The following LPP variants were observed in gnomAD, a reference collection of about 807,000 sequenced individuals.
LPP encodes the protein lipoma-preferred partner.
LPP carries 38 observed loss-of-function variants against 60.4 expected under a neutral mutation model. The observed-to-expected ratio is 0.63, with a 90% confidence interval of 0.49 to 0.83. The LOEUF is 0.83. LPP is among the 40% of genes least tolerant of loss of function. LPP has a pLI of 0.00. For missense variants in LPP, 902 were observed against 783.6 expected, an observed-to-expected ratio of 1.15 and a Z score of -1.80; for synonymous variants, 328 against 290.8, an observed-to-expected ratio of 1.13 and a Z score of -1.30.
At chr3:188,448,902 A>G (rs1433057417) in intron 4 of LPP, among the ~76,000 whole-genome samples, 1 of 152,180 alleles carries the variant, frequency 6.6e-6, no homozygotes, top group African/African-American at 2.4e-5. Context: ...GTCTTTTTAA[A>G]CTGTATTCTA....
intron 4 of LPP, among the ~76,000 whole-genome samples, chr3:188,424,736 T>C (rs1429787056): frequency 2.0e-5 from 3 of 152,188 alleles, no homozygotes; most frequent in African/African-American, 7.2e-5. Flanking sequence ...AGTTCACTCA[T>C]GATTCAGCTC....
chr3:188,453,792 G>C (rs1797134700), intron 4 of LPP, among the ~76,000 whole-genome samples: 1 of 151,996 alleles, frequency 6.6e-6, no homozygotes, highest in Admixed American at 6.6e-5. Flanking sequence ...TTAATTTTGT[G>C]GGTACTTCTG....
chr3:188,664,083 A>G (rs905277900), intron 7 of LPP, among the ~76,000 whole-genome samples: 12 of 152,114 alleles, frequency 7.9e-5, no homozygotes, highest in African/African-American at 2.9e-4. Context: ...CAAACCACAT[A>G]TTGTCACTTG....
intron 4 of LPP, among the ~76,000 whole-genome samples, chr3:188,455,759 G>T (rs1003343555): frequency 2.2e-4 from 33 of 152,018 alleles, no homozygotes; most frequent in East Asian, 5.8e-4. Flanking sequence ...GAGAATATTG[G>T]TTTTTTTCAG....
chr3:188,179,466 C>G, intron 1 of LPP: 1 of 457,888 alleles, frequency 2.2e-6, no homozygotes, highest in Non-Finnish European at 4.4e-6. Context: ...AGAGCTCCTT[C>G]CCTTCTGGGG....
At chr3:188,286,258 T>C (rs115116283) in intron 2 of LPP, among the ~76,000 whole-genome samples, 9 of 152,338 alleles carry the variant, frequency 5.9e-5, no homozygotes, top group Non-Finnish European at 8.8e-5. Context: ...ACACAAGTGC[T>C]GCTGTGGTCA....
At chr3:188,607,506 T>C (rs985822355) in intron 6 of LPP, among the ~76,000 whole-genome samples, 5 of 151,522 alleles carry the variant, frequency 3.3e-5, no homozygotes, top group African/African-American at 1.2e-4. Flanking sequence ...CATATTTATT[T>C]ATGTTCTTCA....
At chr3:188,840,999 G>A (rs148895272) in intron 9 of LPP, among the ~76,000 whole-genome samples, 4 of 152,124 alleles carry the variant, frequency 2.6e-5, no homozygotes, top group African/African-American at 9.6e-5. Flanking sequence ...TCTTCCTCCC[G>A]GGTCCCAGTG....
At chr3:188,524,852 A>G (rs1246147955) in intron 6 of LPP, 65 bp downstream of exon 6, 6 of 1,511,196 alleles carry the variant, frequency 4.0e-6, no homozygotes, top group Middle Eastern at 1.8e-4. Context: ...ATCAGAAAGA[A>G]CATGCTGCAC....
At chr3:188,535,186 G>GT (rs1477315775) in intron 6 of LPP, among the ~76,000 whole-genome samples, 6 of 152,092 alleles carry the variant, frequency 3.9e-5, no homozygotes, top group Non-Finnish European at 4.4e-5. Flanking sequence ...TAAGTTATGG[G>GT]GTCATGTTGA....
chr3:188,484,702 C>G lies in LPP; in HGVS notation c.304C>G (p.Gln102Glu). 2 of 1,601,064 alleles carry G rather than the reference C, an allele frequency of 1.2e-6. No individual in the cohort carries two copies. Among genetic ancestry groups the G allele is most frequent in the Non-Finnish European group, 1.7e-6 (2 of 1,168,314 alleles). ...TCTTGATGAAGAGGCTTTCAAAGTACAGGTAAGAGCTGAAGTTAAAGTCAT... is the reference window on the plus strand; with the variant it reads ...TCTTGATGAAGAGGCTTTCAAAGTAGAGGTAAGAGCTGAAGTTAAAGTCAT... ...PPLDEEAFKV[Q>E]GNPGGKTLEE... The change falls in exon 5 of 12, where the codon CAG becomes GAG. Residue 102 changes from glutamine to glutamate, a missense_variant and splice_region_variant. Gln to Glu is a conservative substitution (Grantham distance 29, BLOSUM62 2). Coordinates refer to ENST00000617246, the MANE Select transcript of LPP (RefSeq NM_001375462.1).
chr3:188,167,262 C>T (rs917331103), intron 1 of LPP, among the ~76,000 whole-genome samples: 1 of 152,150 alleles, frequency 6.6e-6, no homozygotes, highest in Non-Finnish European at 1.5e-5. Flanking sequence ...CTTTGGGAGG[C>T]CGAGGCGGGC....
intron 3 of LPP, among the ~76,000 whole-genome samples, chr3:188,397,619 CT>C (rs373218081): frequency 0.034 from 4,961 of 143,874 alleles, 265 homozygotes; most frequent in African/African-American, 0.12. Context: ...ACTTCTTTTT[CT>C]TTTTTTTTTT....
At chr3:188,832,780 A>G (rs1446519961) in intron 9 of LPP, among the ~76,000 whole-genome samples, 1 of 152,186 alleles carries the variant, frequency 6.6e-6, no homozygotes, top group Non-Finnish European at 1.5e-5. Flanking sequence ...GCATGTTGTC[A>G]AGTTCAGCTG....
intron 2 of LPP, among the ~76,000 whole-genome samples, chr3:188,315,577 T>C (rs1005759317): frequency 6.6e-6 from 1 of 152,214 alleles, no homozygotes; most frequent in Non-Finnish European, 1.5e-5. Context: ...GTGTTTTTAA[T>C]CTTATTTTTT....
At chr3:188,538,807 C>T (rs1283706595) in intron 6 of LPP, among the ~76,000 whole-genome samples, 1 of 152,108 alleles carries the variant, frequency 6.6e-6, no homozygotes, top group East Asian at 1.9e-4. Flanking sequence ...AATGGATAAA[C>T]AAAATGTGGT....
rs547868485 is a variant in LPP at position 188,373,784 on chromosome 3, T to C, written c.-10+32065T>C. Among the ~76,000 whole-genome samples the C allele has an allele frequency of 2.0e-5, 3 of 152,208 alleles. No individual in the cohort carries two copies. The East Asian group carries it at 5.8e-4, about 29-fold the overall frequency. On this transcript the variant is annotated intron_variant, in intron 3 of 11. Transcript: ENST00000617246. Reference sequence around the variant, plus strand: ...GTTTTAGACATGAAGTCCTTGCCCATGCCTATGTCCTGAATGGTATTGCCT... The same window carrying C: ...GTTTTAGACATGAAGTCCTTGCCCACGCCTATGTCCTGAATGGTATTGCCT...
chr3:188,747,818 G>A (rs1577325097), intron 8 of LPP, among the ~76,000 whole-genome samples: 1 of 152,226 alleles, frequency 6.6e-6, no homozygotes, highest in East Asian at 1.9e-4. Context: ...ATCAGATGCA[G>A]ACTACAGTTT....
At chr3:188,864,343 C>T (rs1375079848) in intron 9 of LPP, among the ~76,000 whole-genome samples, 2 of 152,160 alleles carry the variant, frequency 1.3e-5, no homozygotes, top group African/African-American at 4.8e-5. Context: ...AATATTCATT[C>T]GTTCATTCTT....
Sources: allele counts gnomAD v4.1 joint callset (sites outside exome capture counted in the v4.1 genomes callset), GRCh38; gene constraint gnomAD v4.1.1; transcripts MANE v1.5; gene names NCBI Gene and HGNC (gene_info 2026-07-23, HGNC 2026-07-21).